The following ZNF135 variants were observed in gnomAD, a reference collection of about 807,000 sequenced individuals.
ZNF135 encodes the protein zinc finger protein 135 (clone pHZ-17).
Under a neutral mutation model 12.3 loss-of-function variants are expected in ZNF135, and 11 were observed. That is an observed-to-expected ratio of 0.89 (90% CI 0.56 to 1.48). ZNF135 has a LOEUF of 1.48. Among genes scored for constraint, ZNF135 ranks in the 40% most tolerant of loss-of-function variants. The pLI, the probability that ZNF135 is intolerant of heterozygous loss-of-function variation, is 0.00. For missense variants in ZNF135, 722 were observed against 815.7 expected (o/e 0.89, Z 1.40); for synonymous variants, 316 against 312.0 (o/e 1.01, Z -0.14).
chr19:58,060,292 C>T lies in ZNF135; in HGVS notation c.33+257C>T. The T allele has an allele frequency of 2.9e-6, 4 of 1,380,664 alleles. No individual in the cohort carries two copies. The highest frequency in any genetic ancestry group is 1.5e-5 in the South Asian group (1 of 65,910). 85.5% of individuals were successfully genotyped at this position (1,380,664 alleles called of 1,614,324 possible). A position where few individuals can be genotyped will look rare whatever the true frequency, so the allele number is the denominator to read the frequency against. On this transcript the variant is annotated intron_variant, in intron 2 of 4. Coordinates refer to ENST00000313434, the MANE Select transcript of ZNF135 (RefSeq NM_001289401.2). This position sits in a 1 kb window ranked among gnomAD's most constrained non-coding sequence, Gnocchi z 4.9. ...GCCCGGCCTCTATTTGCACATCTAG[C>T]CTCTACTCGTGTCCGGCCTCTACCT...
In ZNF135 at chr19:58,060,454, G is replaced by A. The variant is rs117110250; in HGVS notation, c.33+419G>A. The A allele has an allele frequency of 1.8e-4, 196 of 1,090,648 alleles. 2 individuals carry two copies. The East Asian group carries it at 0.013, about 71-fold the overall frequency. 67.6% of individuals were successfully genotyped at this position (1,090,648 alleles called of 1,614,324 possible). On this transcript the variant is annotated intron_variant, in intron 2 of 4. Coordinates refer to ENST00000313434, the MANE Select transcript of ZNF135 (RefSeq NM_001289401.2). The surrounding 1 kb of genome is among the most constrained non-coding windows in gnomAD (Gnocchi z 4.9). ...GCTTTATGTTTGTGCGGCCGTCATT[G>A]CATACCTGAGGCTGGGTGATGTCAG...
At position 58,060,405 on chromosome 19, in the gene ZNF135, G is replaced by A. The variant is rs895626470; in HGVS notation, c.33+370G>A. On this transcript the variant is annotated intron_variant, in intron 2 of 4. Transcript: ENST00000313434. This position sits in a 1 kb window ranked among gnomAD's most constrained non-coding sequence, Gnocchi z 4.9. Reference sequence around the variant, plus strand: ...CGCCCACGCCGCGCTGGAGGTCAGCGGGCACGGGTCCCTGTCTGAGTGGGC... The same window carrying A: ...CGCCCACGCCGCGCTGGAGGTCAGCAGGCACGGGTCCCTGTCTGAGTGGGC... 3.3e-6 allele frequency: 4 copies of A among 1,200,084 alleles called. No individual in the cohort carries two copies. In the African/African-American group the frequency reaches 6.3e-5, roughly 19 times the overall value. The allele number at this position is 1,200,084 out of a possible 1,614,324, so 74.3% of individuals were successfully genotyped here.
rs1427455174 is a variant in ZNF135 at position 58,067,548 on chromosome 19, A to G, written c.1064A>G (p.Gln355Arg). The G allele has an allele frequency of 6.2e-7, 1 of 1,613,852 alleles. No homozygotes were observed. Among genetic ancestry groups the G allele is most frequent in the Non-Finnish European group, 8.5e-7 (1 of 1,179,946 alleles). ...ATCCACACTGGGGAGAAACCCTATC[A>G]GTGTGGTGAGTGTGGCAAGGCCTTC... ...LRIHTGEKPY[Q>R]CGECGKAFSH... Residue 355 changes from glutamine (Q) to arginine (R), a missense_variant, in exon 5 of 5, where the codon CAG becomes CGG. Physicochemically the swap from Gln to Arg is conservative, Grantham distance 43. Transcript: ENST00000313434.
chr19:58,064,926 A>G (rs2074041382), intron 4 of ZNF135, among the ~76,000 whole-genome samples: 1 of 152,166 alleles, frequency 6.6e-6, no homozygotes, highest in Non-Finnish European at 1.5e-5. Context: ...TTTTATCAGT[A>G]TGGTCAACAA....
chr19:58,060,057 C>T lies in ZNF135; in HGVS notation c.33+22C>T, dbSNP rs1242381899. ...CCCGGTGAGAATCTCGGCCTCCTTG[C>T]GCGTGTCCTCCACCTCGTGCCCGGC... On this transcript the variant is annotated intron_variant, in intron 2 of 4. Transcript: ENST00000313434. The surrounding 1 kb of genome is among the most constrained non-coding windows in gnomAD (Gnocchi z 4.9). The T allele has an allele frequency of 5.0e-6, 8 of 1,612,648 alleles. No homozygotes were observed. Among genetic ancestry groups the T allele is most frequent in the African/African-American group, 1.3e-5 (1 of 74,896 alleles).
chr19:58,059,264 G>A (rs868426067), upstream of ZNF135: 2 of 1,580,570 alleles, frequency 1.3e-6, no homozygotes, highest in Non-Finnish European at 1.7e-6. The surrounding 1 kb of genome is among the most constrained non-coding windows in gnomAD (Gnocchi z 6.5). Context: ...TCGCGCCGGC[G>A]CAGTGTCGGC....
At position 58,060,494 on chromosome 19, in the gene ZNF135, C is replaced by T. The variant is rs2073957461; in HGVS notation, c.33+459C>T. 1 of 1,018,438 alleles carries T rather than the reference C, an allele frequency of 9.8e-7. No individual in the cohort carries two copies. The allele number at this position is 1,018,438 out of a possible 1,614,324, so 63.1% of individuals were successfully genotyped here. On this transcript the variant is annotated intron_variant, in intron 2 of 4. Transcript: ENST00000313434. This position sits in a 1 kb window ranked among gnomAD's most constrained non-coding sequence, Gnocchi z 4.9. ...GGTGATGTCAGAAAATTGTAGGTGC[C>T]CCGGCTCTGCAGTCTGAAGTTGAAG...
At position 58,067,749 on chromosome 19, in the gene ZNF135, G is replaced by A. The variant is rs757613204; in HGVS notation, c.1265G>A (p.Ser422Asn). 22 of 1,613,948 alleles carry A rather than the reference G, an allele frequency of 1.4e-5. No homozygotes were observed. In the African/African-American group the frequency reaches 2.9e-4, roughly 22 times the overall value. The change falls in exon 5 of 5, where the codon AGC (serine) becomes AAC (asparagine). Residue 422 changes from serine (S) to asparagine (N), a missense_variant. Physicochemically the swap from Ser to Asn is conservative, Grantham distance 46. Coordinates refer to ENST00000313434, the MANE Select transcript of ZNF135 (RefSeq NM_001289401.2). ...GAGTGTGGGAAAGCCTTCAGTCAGA[G>A]CACACTCCTGACCGAGCATCGGAGG... Reference protein sequence around the residue: ...CGECGKAFSQSTLLTEHRRIH... With the variant: ...CGECGKAFSQNTLLTEHRRIH...
Position 58,067,220 on chromosome 19 carries a change from G to A in ZNF135, c.736G>A (p.Glu246Lys), listed in dbSNP as rs1439743316. The change falls in exon 5 of 5, where the codon GAA becomes AAA. Residue 246 changes from glutamate to lysine, a missense_variant. By Grantham distance (56) the Glu-to-Lys change is moderately conservative. Coordinates refer to ENST00000313434, the MANE Select transcript of ZNF135 (RefSeq NM_001289401.2). The stretch of plus-strand genomic sequence containing the variant: ...AGGAGAGAGACCTTACGAATGTCAC[G>A]AATGCTTAAAAGGCTTCCGGAACAG... ...HTGERPYECH[E>K]CLKGFRNSSA... 5.6e-6 allele frequency: 9 copies of A among 1,613,950 alleles called. No individual in the cohort carries two copies. Among genetic ancestry groups the A allele is most frequent in the East Asian group, 4.5e-5 (2 of 44,892 alleles).
At position 58,059,690 on chromosome 19, in the gene ZNF135, C is replaced by G; in HGVS notation, c.-34-279C>G. ...GTGCCCAGGGCCAGGGGACCGCAAC[C>G]ACCCGGCCCTTGTCACTGTAGCGTT... On this transcript the variant is annotated intron_variant, in intron 1 of 4. Coordinates refer to ENST00000313434, the MANE Select transcript of ZNF135 (RefSeq NM_001289401.2). This position sits in a 1 kb window ranked among gnomAD's most constrained non-coding sequence, Gnocchi z 6.5. 1 of 533,336 alleles carries G rather than the reference C, an allele frequency of 1.9e-6. No individual in the cohort carries two copies. The highest frequency in any genetic ancestry group is 3.3e-6 in the Non-Finnish European group (1 of 304,690). 33.0% of individuals were successfully genotyped at this position (533,336 alleles called of 1,614,324 possible). A position where few individuals can be genotyped will look rare whatever the true frequency, so the allele number is the denominator to read the frequency against.
At position 58,063,899 on chromosome 19, in the gene ZNF135, G is replaced by A. The variant is rs564490448; in HGVS notation, c.256+358G>A. Among the ~76,000 whole-genome samples the A allele has an allele frequency of 6.6e-6, 1 of 152,176 alleles. No individual in the cohort carries two copies. The highest frequency in any genetic ancestry group is 1.9e-4 in the East Asian group (1 of 5,194). Reference sequence around the variant, plus strand: ...AGATGAGGGATAGCCTCTCCAAGGAGGTGACATGTGACTTGAAGCCTGAGC... The same window carrying A: ...AGATGAGGGATAGCCTCTCCAAGGAAGTGACATGTGACTTGAAGCCTGAGC... On this transcript the variant is annotated intron_variant, in intron 4 of 4. Transcript: ENST00000313434. The surrounding 1 kb of genome is among the most constrained non-coding windows in gnomAD (Gnocchi z 4.4).
At chr19:58,066,572 C>G in intron 4 of ZNF135, 169 bp from the exon 5 acceptor site, 2 of 803,410 alleles carry the variant, frequency 2.5e-6, no homozygotes, top group Non-Finnish European at 3.8e-6. Flanking sequence ...TCTGTGTTTC[C>G]CTCTCTTCCT....
In ZNF135 at chr19:58,065,627, CT is replaced by C. The variant is rs2074053739; in HGVS notation, c.257-1108del. On this transcript the variant is annotated intron_variant, in intron 4 of 4. Transcript: ENST00000313434. This position sits in a 1 kb window ranked among gnomAD's most constrained non-coding sequence, Gnocchi z 4.0. The stretch of plus-strand genomic sequence containing the variant: ...TTCACTCTGACTCTGACCCTTCTGC[CT>C]TTTTTCCCCATTTAAGGACCCTCGT... Among the ~76,000 whole-genome samples, 3 of 152,144 alleles carry C rather than the reference CT, an allele frequency of 2.0e-5. No homozygotes were observed. The highest frequency in any genetic ancestry group is 7.2e-5 in the African/African-American group (3 of 41,430).
rs8106659 is a variant in ZNF135 at position 58,067,129 on chromosome 19, A to G, written c.645A>G (p.Lys215=). Residue 215 remains lysine (K), a synonymous_variant, in exon 5 of 5, where the codon AAA becomes AAG. Coordinates refer to ENST00000313434, the MANE Select transcript of ZNF135 (RefSeq NM_001289401.2). ...CCTGTGTAAAAGAGAAACCCTACAA[A>G]TGTCAGGAATGCGGAAAGGCCTTTA... is the stretch of plus-strand genomic sequence containing the variant. ...QKTCVKEKPY[K]CQECGKAFSH... is the part of the protein sequence containing the mutation. 547 of 1,614,216 alleles carry G rather than the reference A, an allele frequency of 3.4e-4. 2 individuals carry two copies. In the African/African-American group the frequency reaches 6.4e-3, roughly 19 times the overall value.
intron 2 of ZNF135, among the ~76,000 whole-genome samples, chr19:58,061,201 A>C (rs539719222): frequency 6.6e-5 from 10 of 151,880 alleles, no homozygotes; most frequent in Non-Finnish European, 1.5e-4. Context: ...TTTATCCCCT[A>C]GGCTGAAGTG....
At position 58,063,619 on chromosome 19, in the gene ZNF135, TAA is replaced by T; in HGVS notation, c.256+79_256+80del. On this transcript the variant is annotated intron_variant, in intron 4 of 4. Coordinates refer to ENST00000313434, the MANE Select transcript of ZNF135 (RefSeq NM_001289401.2). The surrounding 1 kb of genome is among the most constrained non-coding windows in gnomAD (Gnocchi z 4.4). ...GGTTTCTCCCTCTGCATCTGCTCTC[TAA>T]TTCTTCAGAGCAAATTTACTACTCA... is the stretch of plus-strand genomic sequence containing the variant. 6.3e-7 allele frequency: 1 copy of T among 1,586,366 alleles called. No individual in the cohort carries two copies. The highest frequency in any genetic ancestry group is 8.6e-7 in the Non-Finnish European group (1 of 1,165,564).
rs998728954 is a variant in ZNF135 at position 58,068,242 on chromosome 19, C to T, written c.1758C>T (p.Ser586=). The T allele has an allele frequency of 6.2e-7, 1 of 1,614,014 alleles. No homozygotes were observed. Among genetic ancestry groups the T allele is most frequent in the East Asian group, 2.2e-5 (1 of 44,870 alleles). The change falls in exon 5 of 5, where the codon TCC becomes TCT. Residue 586 remains serine, a synonymous_variant. Coordinates refer to ENST00000313434, the MANE Select transcript of ZNF135 (RefSeq NM_001289401.2). ...KPYGCNECGK[S]FSHSSSLSQH... ...ATGGGTGCAATGAGTGTGGGAAATCCTTCAGCCACAGCTCCTCGCTCAGCC... is the reference window on the plus strand; with the variant it reads ...ATGGGTGCAATGAGTGTGGGAAATCTTTCAGCCACAGCTCCTCGCTCAGCC...
At position 58,063,618 on chromosome 19, in the gene ZNF135, C is replaced by CT. The variant is rs1209160826; in HGVS notation, c.256+78dup. The CT allele has an allele frequency of 1.9e-6, 3 of 1,587,802 alleles. No individual in the cohort carries two copies. Among genetic ancestry groups the CT allele is most frequent in the African/African-American group, 2.7e-5 (2 of 74,078 alleles). On this transcript the variant is annotated intron_variant, in intron 4 of 4. Coordinates refer to ENST00000313434, the MANE Select transcript of ZNF135 (RefSeq NM_001289401.2). The surrounding 1 kb of genome is among the most constrained non-coding windows in gnomAD (Gnocchi z 4.4). The stretch of plus-strand genomic sequence containing the variant: ...TGGTTTCTCCCTCTGCATCTGCTCT[C>CT]TAATTCTTCAGAGCAAATTTACTAC...
At chr19:58,066,401 G>T (rs1206301552) in intron 4 of ZNF135, among the ~76,000 whole-genome samples, 2 of 151,462 alleles carry the variant, frequency 1.3e-5, no homozygotes, top group South Asian at 4.2e-4. Context: ...GTGTGTCTGA[G>T]TGCTCTCTCC....
Sources: allele counts gnomAD v4.1 joint callset (sites outside exome capture counted in the v4.1 genomes callset), GRCh38; gene constraint gnomAD v4.1.1; non-coding constraint Gnocchi (gnomAD v3.1); transcripts MANE v1.5; gene names NCBI Gene and HGNC (gene_info 2026-07-23, HGNC 2026-07-21).